The following MCCC1 variants were observed in gnomAD, a reference collection of about 807,000 sequenced individuals.
MCCC1 encodes methylcrotonyl-CoA carboxylase subunit 1.
MCCC1 carries 64 observed loss-of-function variants against 83.8 expected under a neutral mutation model. The ratio of observed to expected loss-of-function variants is 0.76; its 90% CI spans 0.62 to 0.94. The LOEUF (loss-of-function observed/expected upper bound fraction) is 0.94. Among genes scored for constraint, MCCC1 ranks in the 40% least tolerant of loss-of-function variants. The probability of loss-of-function intolerance (pLI) is 0.00; values close to 1 mark genes in which losing one functional copy is unlikely to be tolerated. For synonymous variants in MCCC1, 322 were observed against 315.4 expected (o/e 1.02, Z -0.22); for missense variants, 807 against 904.7 (o/e 0.89, Z 1.39).
chr3:183,090,613 G>C (rs1231350044), intron 3 of MCCC1, among the ~76,000 whole-genome samples: 2 of 150,282 alleles, frequency 1.3e-5, no homozygotes, highest in East Asian at 3.9e-4. Context: ...CTTTGAGACA[G>C]AGTTTCGCTC....
At chr3:183,029,189 C>T (rs1006512505) in intron 14 of MCCC1, 1 of 151,974 alleles carries the variant, frequency 6.6e-6, no homozygotes, top group Non-Finnish European at 1.5e-5. Context: ...GAGACGAAAA[C>T]CTAAAGTTTT....
intron 9 of MCCC1, among the ~76,000 whole-genome samples, chr3:183,051,704 C>T (rs905738289): frequency 2.0e-5 from 3 of 150,514 alleles, no homozygotes; most frequent in Non-Finnish European, 4.4e-5. Flanking sequence ...GGGTCGCTGA[C>T]TGTAACAAAC....
intron 18 of MCCC1, chr3:183,016,246 A>G (rs1577228269): frequency 9.7e-6 from 1 of 102,638 alleles, no homozygotes; most frequent in Non-Finnish European, 2.0e-5. Context: ...GTTTTTTTAA[A>G]TTGAGACGGA....
At chr3:183,045,158 G>A (rs886363509) in intron 10 of MCCC1, among the ~76,000 whole-genome samples, 4 of 149,372 alleles carry the variant, frequency 2.7e-5, no homozygotes, top group Admixed American at 2.0e-4. Context: ...TCGGCTTACT[G>A]CAACCTCTGC....
intron 3 of MCCC1, among the ~76,000 whole-genome samples, chr3:183,087,869 CAAAAAAAAAAA>C (rs1223603175): frequency 5.8e-5 from 3 of 51,340 alleles, no homozygotes; most frequent in Non-Finnish European, 8.8e-5. Flanking sequence ...GACTCCTTCT[CAAAAAAAAAAA>C]AAAAAAAAAG....
intron 4 of MCCC1, among the ~76,000 whole-genome samples, chr3:183,079,944 C>A (rs1717364341): frequency 1.3e-5 from 2 of 152,222 alleles, no homozygotes; most frequent in Admixed American, 1.3e-4. Context: ...CAAGTAGTAC[C>A]TTGGCCCCTT....
At chr3:183,031,788 G>A (rs551763830) in intron 14 of MCCC1, among the ~76,000 whole-genome samples, 103 of 149,720 alleles carry the variant, frequency 6.9e-4, no homozygotes, top group African/African-American at 2.1e-3. Flanking sequence ...GGGAGATACC[G>A]TGCCTGGCAC....
intron 8 of MCCC1, among the ~76,000 whole-genome samples, chr3:183,052,546 C>T (rs372134386): frequency 2.2e-4 from 33 of 152,268 alleles, no homozygotes; most frequent in South Asian, 1.9e-3. Context: ...CGGTGGCTCA[C>T]GCCTGTAATC....
intron 7 of MCCC1, among the ~76,000 whole-genome samples, chr3:183,068,103 C>T (rs1037398857): frequency 2.6e-5 from 4 of 152,108 alleles, no homozygotes; most frequent in Non-Finnish European, 4.4e-5. Context: ...TAGGATTAAG[C>T]GTGCTCTTAC....
chr3:183,026,687 G>A (rs1182955231), intron 14 of MCCC1, among the ~76,000 whole-genome samples: 1 of 152,094 alleles, frequency 6.6e-6, no homozygotes, highest in Non-Finnish European at 1.5e-5. Context: ...TCCAGCCTGG[G>A]TGACAGAGTG....
At chr3:183,034,183 G>T (rs950165118) in intron 13 of MCCC1, 106 bp from the exon 14 acceptor site, 6 of 787,948 alleles carry the variant, frequency 7.6e-6, no homozygotes, top group African/African-American at 3.4e-5. Context: ...GGGCACAGTG[G>T]CTCATGCCTG....
chr3:183,047,112 C>T (rs1714614192), intron 9 of MCCC1, among the ~76,000 whole-genome samples: 1 of 152,080 alleles, frequency 6.6e-6, no homozygotes, highest in South Asian at 2.1e-4. Context: ...TGAAATACAC[C>T]AAAACATTCA....
Position 183,092,414 on chromosome 3 carries a change from C to T in MCCC1, c.268G>A (p.Asp90Asn). ...TTCCAATTTTTAACACATACCATATCTACATGCATGGAATTTCTGTCAGCC... is the reference window on the plus strand; with the variant it reads ...TTCCAATTTTTAACACATACCATATTTACATGCATGGAATTTCTGTCAGCC... ...SEADRNSMHV[D>N]MADEAYSIGP... The change falls in exon 3 of 19, where the codon GAT (aspartate) becomes AAT (asparagine). Residue 90 changes from aspartate to asparagine, a missense_variant. Asp to Asn is a conservative substitution (Grantham distance 23). Transcript: ENST00000265594. The T allele has an allele frequency of 2.5e-6, 4 of 1,614,210 alleles. No individual in the cohort carries two copies. Among genetic ancestry groups the T allele is most frequent in the Non-Finnish European group, 3.4e-6 (4 of 1,180,036 alleles).
At chr3:183,015,911 G>GTTTTTTTTTTTTT (rs549666072) in intron 18 of MCCC1, among the ~76,000 whole-genome samples, 2 of 135,532 alleles carry the variant, frequency 1.5e-5, no homozygotes, top group Admixed American at 1.5e-4. Context: ...GCTTGCTTTT[G>GTTTTTTTTTTTTT]TTTTTTTTTT....
chr3:183,045,561 G>C (rs558473163), intron 9 of MCCC1, 21 bp from the exon 10 acceptor site: 6 of 1,612,790 alleles, frequency 3.7e-6, no homozygotes, highest in Non-Finnish European at 5.1e-6. Flanking sequence ...AAAAACAATG[G>C]TCATATTCAA....
intron 9 of MCCC1, 112 bp downstream of exon 9, chr3:183,052,047 A>G: frequency 1.1e-6 from 1 of 919,682 alleles, no homozygotes. Context: ...TACTGTGAAT[A>G]TGGTCAAAAC....
intron 1 of MCCC1, among the ~76,000 whole-genome samples, chr3:183,114,582 T>TC (rs1434375910): frequency 6.6e-6 from 1 of 152,174 alleles, no homozygotes. Flanking sequence ...CACAGCAGTT[T>TC]TCTGTGTTGA....
At chr3:183,110,913 T>TATC (rs144022336) in intron 1 of MCCC1, among the ~76,000 whole-genome samples, 5,184 of 152,174 alleles carry the variant, frequency 0.034, 301 homozygotes, top group African/African-American at 0.12. Context: ...CCCCATTGCT[T>TATC]ATTATTATTA....
chr3:183,027,671 A>G (rs1044510158), intron 14 of MCCC1, among the ~76,000 whole-genome samples: 3 of 152,186 alleles, frequency 2.0e-5, no homozygotes, highest in Non-Finnish European at 4.4e-5. Context: ...TGATAATAAT[A>G]AATACTGTGA....
Sources: gnomAD v4.1 joint callset for allele counts (sites outside exome capture counted in the v4.1 genomes callset) on GRCh38, gnomAD v4.1.1 for gene constraint, MANE v1.5 for transcripts, NCBI Gene and HGNC (gene_info 2026-07-23, HGNC 2026-07-21) for gene names.